DEDD2: variants seen among roughly 807,000 people sequenced by gnomAD.
DEDD2 encodes the protein DNA-binding death effector domain-containing protein 2.
Under a neutral mutation model 28.9 loss-of-function variants are expected in DEDD2, and 18 were observed. That is an observed-to-expected ratio of 0.62 (90% CI 0.43 to 0.92). The LOEUF (loss-of-function observed/expected upper bound fraction) is 0.92. Among genes scored for constraint, DEDD2 ranks in the 40% least tolerant of loss-of-function variants. The probability of loss-of-function intolerance (pLI) is 0.00; values close to 1 mark genes in which losing one functional copy is unlikely to be tolerated. For synonymous variants in DEDD2, 211 were observed against 206.1 expected (o/e 1.02, Z -0.20); for missense variants, 411 against 463.3 (o/e 0.89, Z 1.04).
At position 42,216,970 on chromosome 19, in the gene DEDD2, T is replaced by C; in HGVS notation, c.38A>G (p.Glu13Gly). The C allele has an allele frequency of 1.9e-6, 3 of 1,600,190 alleles. No homozygotes were observed. The highest frequency in any genetic ancestry group is 1.3e-5 in the African/African-American group (1 of 74,482). Residue 13 changes from glutamate to glycine, a missense_variant, in exon 2 of 5, where the codon GAG becomes GGG. Physicochemically the swap from Glu to Gly is moderately conservative, Grantham distance 98. Around this residue, in one of 2 missense-constraint regions of DEDD2, gnomAD observed 282 missense variants for 273.4 expected, o/e 1.03. Coordinates refer to ENST00000596251, the MANE Select transcript of DEDD2 (RefSeq NM_133328.4). The part of the protein sequence containing the change: ...LSGSTPAPCW[E>G]EDECLDYYGM... ...GTAGTAGTCCAGGCACTCATCCTCC[T>C]CCCAGCACGGGGCCGGGGTCGACCC...
chr19:42,214,569 C>T (rs1021234369), intron 3 of DEDD2, among the ~76,000 whole-genome samples: 12 of 151,246 alleles, frequency 7.9e-5, no homozygotes, highest in Non-Finnish European at 1.6e-4. Flanking sequence ...CAAGACCAGC[C>T]TGGACAACAA....
intron 4 of DEDD2, among the ~76,000 whole-genome samples, chr19:42,208,792 C>T (rs1179405170): frequency 6.6e-6 from 1 of 152,232 alleles, no homozygotes; most frequent in Non-Finnish European, 1.5e-5. Flanking sequence ...AGCACTCCTG[C>T]CCCAGGCACA....
At chr19:42,219,197 G>A (rs762690952), upstream of DEDD2, among the ~76,000 whole-genome samples, 4 of 152,106 alleles carry the variant, frequency 2.6e-5, no homozygotes, top group Non-Finnish European at 4.4e-5. Flanking sequence ...CCAGCTACTC[G>A]GGAGGCTGAC....
chr19:42,207,682 G>A (rs2035587308), intron 4 of DEDD2, among the ~76,000 whole-genome samples: 1 of 152,108 alleles, frequency 6.6e-6, no homozygotes, highest in Non-Finnish European at 1.5e-5. Flanking sequence ...GTCCAATTCT[G>A]AGCCCTCCGT....
Position 42,199,886 on chromosome 19 carries a change from G to T in DEDD2, c.590-57C>A. The T allele has an allele frequency of 6.6e-7, 1 of 1,505,844 alleles. No homozygotes were observed. The highest frequency in any genetic ancestry group is 2.5e-5 in the East Asian group (1 of 40,572). 93.3% of individuals were successfully genotyped at this position (1,505,844 alleles called of 1,614,324 possible). A position where few individuals can be genotyped will look rare whatever the true frequency, so the allele number is the denominator to read the frequency against. The stretch of plus-strand genomic sequence containing the variant: ...GGGCCAACACTAGACACACTTATGG[G>T]GAACGCCACCCTTCCTCCCTCCAGC... On this transcript the variant is annotated intron_variant, in intron 4 of 4. Coordinates refer to ENST00000596251, the MANE Select transcript of DEDD2 (RefSeq NM_133328.4). This position sits in a 1 kb window ranked among gnomAD's most constrained non-coding sequence, Gnocchi z 7.4.
At chr19:42,216,324 T>C (rs1436120334) in intron 2 of DEDD2, among the ~76,000 whole-genome samples, 1 of 152,250 alleles carries the variant, frequency 6.6e-6, no homozygotes, top group Non-Finnish European at 1.5e-5. Flanking sequence ...GCAAACTGCT[T>C]AACTTCTCTG....
chr19:42,212,240 C>G (rs1187085773), intron 3 of DEDD2, among the ~76,000 whole-genome samples: 1 of 151,306 alleles, frequency 6.6e-6, no homozygotes, highest in Non-Finnish European at 1.5e-5. Flanking sequence ...GTGGTGTGTA[C>G]CTGTAGTCCC....
chr19:42,205,682 T>C (rs558928926), intron 4 of DEDD2, among the ~76,000 whole-genome samples: 22 of 151,918 alleles, frequency 1.4e-4, no homozygotes, highest in Non-Finnish European at 2.6e-4. Flanking sequence ...GATGAGATCA[T>C]AGGGCAACCA....
intron 4 of DEDD2, among the ~76,000 whole-genome samples, chr19:42,206,780 A>G (rs2035551232): frequency 1.3e-5 from 2 of 152,314 alleles, no homozygotes; most frequent in Admixed American, 6.5e-5. Flanking sequence ...CAGGTATCAC[A>G]GGTGAGGAAG....
At chr19:42,218,671 G>C (rs2036069625), upstream of DEDD2, among the ~76,000 whole-genome samples, 1 of 152,220 alleles carries the variant, frequency 6.6e-6, no homozygotes, top group Non-Finnish European at 1.5e-5. Context: ...CTCCTCTTGG[G>C]AGTCGGGAGA....
chr19:42,200,857 C>A (rs1255869962), intron 4 of DEDD2, among the ~76,000 whole-genome samples: 2 of 152,208 alleles, frequency 1.3e-5, no homozygotes, highest in African/African-American at 4.8e-5. Flanking sequence ...GGGGACAGGA[C>A]ACTGGACTTC....
intron 2 of DEDD2, 89 bp from the exon 3 acceptor site, chr19:42,215,341 A>G: frequency 6.5e-7 from 1 of 1,532,978 alleles, no homozygotes; most frequent in Non-Finnish European, 8.9e-7. Context: ...GAGGTGCCTA[A>G]GTTCCCCAGT....
chr19:42,216,614 G>T, intron 2 of DEDD2, 66 bp downstream of exon 2: 1 of 1,452,026 alleles, frequency 6.9e-7, no homozygotes, highest in African/African-American at 1.4e-5. Context: ...CAGGGCACCA[G>T]GGAGGCCCAG....
intron 4 of DEDD2, among the ~76,000 whole-genome samples, chr19:42,203,548 C>CA (rs1216385318): frequency 6.6e-6 from 1 of 152,174 alleles, no homozygotes; most frequent in Non-Finnish European, 1.5e-5. Flanking sequence ...ATCTCAATCC[C>CA]AATCGCCAGC....
At chr19:42,200,500 C>T (rs1184439217) in intron 4 of DEDD2, among the ~76,000 whole-genome samples, 1 of 152,242 alleles carries the variant, frequency 6.6e-6, no homozygotes, top group Non-Finnish European at 1.5e-5. Context: ...CCCTCCCATC[C>T]ACCTGAGCCA....
At chr19:42,207,698 G>C (rs374128310) in intron 4 of DEDD2, among the ~76,000 whole-genome samples, 1 of 152,260 alleles carries the variant, frequency 6.6e-6, no homozygotes, top group Non-Finnish European at 1.5e-5. Flanking sequence ...TCCGTGCCTG[G>C]AACAGTGCTT....
chr19:42,203,524 G>A (rs1341310421), intron 4 of DEDD2, among the ~76,000 whole-genome samples: 14 of 152,206 alleles, frequency 9.2e-5, no homozygotes, highest in Admixed American at 9.2e-4. Context: ...CGGGCAGCCA[G>A]GTCAGGGAGG....
chr19:42,208,648 C>A (rs1007356849), intron 4 of DEDD2, among the ~76,000 whole-genome samples: 1 of 152,230 alleles, frequency 6.6e-6, no homozygotes, highest in Non-Finnish European at 1.5e-5. Context: ...CGAGGCCAAG[C>A]TGCTCCGGCC....
At chr19:42,213,862 C>T (rs1024372011) in intron 3 of DEDD2, among the ~76,000 whole-genome samples, 3 of 152,130 alleles carry the variant, frequency 2.0e-5, no homozygotes, top group African/African-American at 7.2e-5. Flanking sequence ...TCTGAACGGT[C>T]CCACAGTCTG....
Sources: allele counts gnomAD v4.1 joint callset (sites outside exome capture counted in the v4.1 genomes callset), GRCh38; gene constraint gnomAD v4.1.1; regional missense constraint gnomAD v4.1.1; non-coding constraint Gnocchi (gnomAD v3.1); transcripts MANE v1.5; gene names NCBI Gene and HGNC (gene_info 2026-07-23, HGNC 2026-07-21).